Variants in ADAMTSL3 observed in about 807,000 individuals in gnomAD.
ADAMTSL3 encodes ADAMTS like 3, also known as ADAMTS-like protein 3.
Under a neutral mutation model 201.7 loss-of-function variants are expected in ADAMTSL3, and 128 were observed. That is an observed-to-expected ratio of 0.63 (90% CI 0.55 to 0.73). ADAMTSL3 has a LOEUF of 0.73. ADAMTSL3 is among the 30% of genes least tolerant of loss of function. The pLI, the probability that ADAMTSL3 is intolerant of heterozygous loss-of-function variation, is 0.00. For missense variants in ADAMTSL3, 1,990 were observed against 2,119.6 expected, an observed-to-expected ratio of 0.94 and a Z score of 1.20; for synonymous variants, 738 against 748.4, an observed-to-expected ratio of 0.99 and a Z score of 0.23.
intron 11 of ADAMTSL3, 115 bp downstream of exon 11, chr15:83,890,362 C>T (rs187082498): frequency 4.4e-5 from 58 of 1,317,356 alleles, no homozygotes; most frequent in East Asian, 3.2e-4. Flanking sequence ...TGTCTACTGG[C>T]GGCAGGTGCC....
intron 6 of ADAMTSL3, among the ~76,000 whole-genome samples, chr15:83,830,308 A>G (rs2064128287): frequency 6.6e-6 from 1 of 152,230 alleles, no homozygotes; most frequent in Non-Finnish European, 1.5e-5. Context: ...GGACTGAGTA[A>G]GAAGGACAGG....
Position 83,931,638 on chromosome 15 carries a change from G to T in ADAMTSL3, c.2117+7605G>T, listed in dbSNP as rs1406632790. 2.0e-5 allele frequency among the ~76,000 whole-genome samples: 3 copies of T among 152,152 alleles called. No individual in the cohort carries two copies. In the East Asian group the frequency reaches 5.8e-4, roughly 29 times the overall value. On this transcript the variant is annotated intron_variant, in intron 17 of 29. Coordinates refer to ENST00000286744, the MANE Select transcript of ADAMTSL3 (RefSeq NM_207517.3). ...ATAGACTTCCAATTAAGATGGTGTT[G>T]TAACATCATATTCTGTTCCAAATAC...
Position 83,856,258 on chromosome 15 carries a change from C to T in ADAMTSL3, c.728-2508C>T, listed in dbSNP as rs530708110. On this transcript the variant is annotated intron_variant, in intron 7 of 29. Transcript: ENST00000286744. ...TCATAGTTCACTGCAGCCTCAACCTCCTGGGCTCAAGTGATCCTCCCACCC... is the reference window on the plus strand; with the variant it reads ...TCATAGTTCACTGCAGCCTCAACCTTCTGGGCTCAAGTGATCCTCCCACCC... 3.0e-3 allele frequency among the ~76,000 whole-genome samples: 449 copies of T among 150,960 alleles called. 3 individuals carry two copies. Among genetic ancestry groups the T allele is most frequent in the Non-Finnish European group, 4.3e-3 (292 of 67,728 alleles).
chr15:83,819,677 AAAG>A (rs2063827053), intron 5 of ADAMTSL3, 131 bp from the exon 6 acceptor site: 6 of 646,796 alleles, frequency 9.3e-6, no homozygotes, highest in South Asian at 2.0e-5. Flanking sequence ...AAAAAAAAAA[AAAG>A]AGGGAATTAG....
intron 3 of ADAMTSL3, among the ~76,000 whole-genome samples, chr15:83,724,206 C>T (rs982069745): frequency 3.3e-5 from 5 of 151,900 alleles, no homozygotes; most frequent in Non-Finnish European, 7.4e-5. Flanking sequence ...TCAAGTGATT[C>T]TCCCGTCTCA....
chr15:83,786,152 T>G (rs1036654232), intron 4 of ADAMTSL3, among the ~76,000 whole-genome samples: 2 of 152,134 alleles, frequency 1.3e-5, no homozygotes, highest in Non-Finnish European at 2.9e-5. Context: ...AATTTTTGTG[T>G]TTTTAGCAGA....
chr15:83,964,469 A>G (rs2142103342), intron 19 of ADAMTSL3, among the ~76,000 whole-genome samples: 1 of 152,262 alleles, frequency 6.6e-6, no homozygotes, highest in South Asian at 2.1e-4. Flanking sequence ...AGAGAAGATT[A>G]GAGAAAAAAG....
chr15:83,949,365 A>T (rs1246010690), intron 19 of ADAMTSL3, among the ~76,000 whole-genome samples: 1 of 151,976 alleles, frequency 6.6e-6, no homozygotes, highest in Non-Finnish European at 1.5e-5. Context: ...GCTGAATAGT[A>T]CTCCATTGTG....
chr15:83,770,266 A>G (rs1253010073), intron 3 of ADAMTSL3, among the ~76,000 whole-genome samples: 2 of 152,220 alleles, frequency 1.3e-5, no homozygotes, highest in Non-Finnish European at 2.9e-5. Flanking sequence ...TTCAAAAACC[A>G]TGAAAGTTCA....
chr15:83,772,849 G>A (rs1358943300), intron 3 of ADAMTSL3, among the ~76,000 whole-genome samples: 5 of 152,042 alleles, frequency 3.3e-5, no homozygotes, highest in Non-Finnish European at 5.9e-5. Flanking sequence ...GGGATTACAG[G>A]CACGCACCAT....
chr15:83,853,010 C>T (rs971926010), intron 7 of ADAMTSL3, among the ~76,000 whole-genome samples: 3 of 152,032 alleles, frequency 2.0e-5, no homozygotes, highest in Non-Finnish European at 4.4e-5. Flanking sequence ...GCACCCACCA[C>T]GCCCAGCTAA....
intron 3 of ADAMTSL3, among the ~76,000 whole-genome samples, chr15:83,757,828 C>G (rs55685171): frequency 0.031 from 4,762 of 152,298 alleles, 108 homozygotes; most frequent in Middle Eastern, 0.048. Context: ...TACCCTGAAT[C>G]ATCTCCCTCA....
chr15:83,914,838 T>G (rs956920843), intron 16 of ADAMTSL3, among the ~76,000 whole-genome samples: 2 of 123,018 alleles, frequency 1.6e-5, no homozygotes, highest in Non-Finnish European at 3.5e-5. Flanking sequence ...TGTTGTTTTT[T>G]GTTTGTTTGG....
chr15:83,717,556 AAAG>A (rs1405509310), intron 3 of ADAMTSL3: 53 of 152,334 alleles, frequency 3.5e-4, no homozygotes, highest in African/African-American at 1.2e-3. Context: ...GGAAGGGAGA[AAAG>A]AAGGTGCGGG....
intron 23 of ADAMTSL3, among the ~76,000 whole-genome samples, chr15:84,001,818 C>G (rs1376857453): frequency 6.6e-6 from 1 of 152,200 alleles, no homozygotes; most frequent in Non-Finnish European, 1.5e-5. Flanking sequence ...CAGCCAGTAT[C>G]AGGCCAAAGG....
chr15:84,035,644 A>T (rs2068491048), intron 28 of ADAMTSL3, among the ~76,000 whole-genome samples: 1 of 152,226 alleles, frequency 6.6e-6, no homozygotes, highest in South Asian at 2.1e-4. Flanking sequence ...GAGTTCTTGG[A>T]TATCACAAAT....
At chr15:83,723,172 G>C (rs539941921) in intron 3 of ADAMTSL3, among the ~76,000 whole-genome samples, 2 of 152,248 alleles carry the variant, frequency 1.3e-5, no homozygotes, top group South Asian at 4.1e-4. Context: ...AAAAGCAAGT[G>C]ACTGGTTAAT....
At chr15:83,957,747 G>C (rs1025704233) in intron 19 of ADAMTSL3, among the ~76,000 whole-genome samples, 1 of 152,168 alleles carries the variant, frequency 6.6e-6, no homozygotes, top group Non-Finnish European at 1.5e-5. Flanking sequence ...CATGTAGTTT[G>C]AGAGTCTATA....
chr15:84,009,028 C>T (rs1239426702), intron 23 of ADAMTSL3, among the ~76,000 whole-genome samples: 2 of 152,208 alleles, frequency 1.3e-5, no homozygotes, highest in East Asian at 3.8e-4. Flanking sequence ...TACACTGGTC[C>T]AAGTCACCGT....
Sources: gnomAD v4.1 joint callset for allele counts (sites outside exome capture counted in the v4.1 genomes callset) on GRCh38, gnomAD v4.1.1 for gene constraint, MANE v1.5 for transcripts, NCBI Gene and HGNC (gene_info 2026-07-23, HGNC 2026-07-21) for gene names.